Variants in FAM219B observed in about 807,000 individuals in gnomAD.
FAM219B encodes protein FAM219B.
In FAM219B, 18 loss-of-function variants were observed where a neutral mutation model predicts 19.9. The ratio of observed to expected loss-of-function variants is 0.91; its 90% CI spans 0.63 to 1.34. FAM219B has a LOEUF of 1.34. Among genes scored for constraint, FAM219B ranks in the 40% most tolerant of loss-of-function variants. FAM219B has a pLI of 0.00. For missense variants in FAM219B, 283 were observed against 270.5 expected (o/e 1.05, Z -0.32); for synonymous variants, 123 against 117.5 (o/e 1.05, Z -0.30).
At chr15:74,903,600 CAAAAAAAAAA>C (rs60354993) in intron 4 of FAM219B, among the ~76,000 whole-genome samples, 5 of 46,138 alleles carry the variant, frequency 1.1e-4, no homozygotes, top group Admixed American at 7.7e-4. Flanking sequence ...GACTCTGTCT[CAAAAAAAAAA>C]AAAAAAAAAA....
intron 3 of FAM219B, 109 bp from the exon 4 acceptor site, chr15:74,904,821 C>A: frequency 1.3e-6 from 2 of 1,491,128 alleles, no homozygotes; most frequent in Admixed American, 1.7e-5. Context: ...GAAGCAAAGG[C>A]CACACACAAC....
intron 4 of FAM219B, 146 bp from the exon 5 acceptor site, chr15:74,902,932 G>T: frequency 1.2e-6 from 1 of 816,450 alleles, no homozygotes; most frequent in Non-Finnish European, 1.9e-6. Flanking sequence ...ACTACAGGAG[G>T]AAGTACCACC....
chr15:74,902,728 A>C lies in FAM219B; in HGVS notation c.488T>G (p.Ile163Ser), dbSNP rs138092637. The C allele has an allele frequency of 8.8e-4, 1,426 of 1,612,774 alleles. 7 individuals are homozygous for C. Among genetic ancestry groups the C allele is most frequent in the Non-Finnish European group, 8.7e-4 (1,021 of 1,179,344 alleles). Reference protein sequence around the residue: ...LLQDGYHLDEIPDDEDLDLIP... With the variant: ...LLQDGYHLDESPDDEDLDLIP... ...GAGGTCCAAGTCCTCGTCATCTGGA[A>C]TCTCATCCAGGTGATACCCATCCTG... The change falls in exon 5 of 5, where the codon ATT becomes AGT. Residue 163 changes from isoleucine (I) to serine (S), a missense_variant. Transcript: ENST00000357635.
At position 74,904,907 on chromosome 15, in the gene FAM219B, C is replaced by T. The variant is rs1172149980; in HGVS notation, c.381-195G>A. On this transcript the variant is annotated intron_variant, in intron 3 of 4. Coordinates refer to ENST00000357635, the MANE Select transcript of FAM219B (RefSeq NM_020447.5). ...TCTGGCAGGGACAGGGTCACTCTCA[C>T]TAACAATGCAAACATAACAGGGCAG... 6.7e-6 allele frequency: 10 copies of T among 1,486,144 alleles called. No homozygotes were observed. In the Admixed American group the frequency reaches 2.0e-4, roughly 29 times the overall value. 92.1% of individuals were successfully genotyped at this position (1,486,144 alleles called of 1,614,324 possible).
In FAM219B at chr15:74,906,383, C is replaced by G; in HGVS notation, c.215-18G>C. ...GTGCTTCTCTGGAAGTTAAAGGACC[C>G]GGGTCAGCCGGGTCTTCCCCACTCC... On this transcript the variant is annotated intron_variant, in intron 1 of 4. Transcript: ENST00000357635. 1.9e-6 allele frequency: 3 copies of G among 1,591,110 alleles called. No individual in the cohort carries two copies. Among genetic ancestry groups the G allele is most frequent in the Non-Finnish European group, 1.7e-6 (2 of 1,169,012 alleles).
Position 74,902,662 on chromosome 15 carries a change from C to T in FAM219B, c.554G>A (p.Cys185Tyr), listed in dbSNP as rs753888016. 5 of 1,612,906 alleles carry T rather than the reference C, an allele frequency of 3.1e-6. No homozygotes were observed. The highest frequency in any genetic ancestry group is 4.2e-6 in the Non-Finnish European group (5 of 1,179,432). Reference sequence around the variant, plus strand: ...AGAAGAGTCCCCAAGACAGCACCAGCAGCAGGAGCATGTTGAAGAGGCCAT... The same window carrying T: ...AGAAGAGTCCCCAAGACAGCACCAGTAGCAGGAGCATGTTGAAGAGGCCAT... ...KPMASSTCSCCWCCLGDSSSC... is the reference protein window; with the variant it reads ...KPMASSTCSCYWCCLGDSSSC... The change falls in exon 5 of 5, where the codon TGC becomes TAC. Residue 185 changes from cysteine to tyrosine, a missense_variant. Physicochemically the swap from Cys to Tyr is radical, Grantham distance 194. Transcript: ENST00000357635.
chr15:74,898,104 G>C (rs1056832400), downstream of FAM219B: 3 of 367,790 alleles, frequency 8.2e-6, no homozygotes, highest in Non-Finnish European at 1.6e-5. Flanking sequence ...TCTAAGAACA[G>C]GGTTCTAGCG....
In FAM219B at chr15:74,902,256, G is replaced by A; in HGVS notation, c.*363C>T. The A allele has an allele frequency of 2.5e-6, 1 of 399,948 alleles. No individual in the cohort carries two copies. Among genetic ancestry groups the A allele is most frequent in the Non-Finnish European group, 4.4e-6 (1 of 226,708 alleles). 24.8% of individuals were successfully genotyped at this position (399,948 alleles called of 1,614,324 possible). A position where few individuals can be genotyped will look rare whatever the true frequency, so the allele number is the denominator to read the frequency against. On this transcript the variant is annotated 3_prime_UTR_variant, in exon 5 of 5. Transcript: ENST00000357635. ...CATTCAACACTATCTAGCACAGCCT[G>A]GGCACAAGAGCTCCCTTTTTGCCTC...
Position 74,902,787 on chromosome 15 carries a change from C to G in FAM219B, c.430-4G>C. 1 of 1,605,352 alleles carries G rather than the reference C, an allele frequency of 6.2e-7. No individual in the cohort carries two copies. The highest frequency in any genetic ancestry group is 8.5e-7 in the Non-Finnish European group (1 of 1,175,762). Reference sequence around the variant, plus strand: ...GCCGGCTCACATCCTGGTTCACCTGCTAAGAGAAGGAGAGGAGGGAACTAT... The same window carrying G: ...GCCGGCTCACATCCTGGTTCACCTGGTAAGAGAAGGAGAGGAGGGAACTAT... On this transcript the variant is annotated splice_region_variant and splice_polypyrimidine_tract_variant and intron_variant, in intron 4 of 4. Transcript: ENST00000562698.
chr15:74,904,086 A>C (rs1408002731), intron 4 of FAM219B, among the ~76,000 whole-genome samples: 5 of 152,158 alleles, frequency 3.3e-5, no homozygotes, highest in Non-Finnish European at 1.5e-5. Context: ...GGACCAATGG[A>C]CCCATTCAGA....
chr15:74,899,681 CA>C (rs1390602009), downstream of FAM219B: 1 of 152,224 alleles, frequency 6.6e-6, no homozygotes. Context: ...GGCTGGAGTG[CA>C]GTGGCGCGAT....
intron 3 of FAM219B, 89 bp downstream of exon 3, chr15:74,905,062 TGGA>T: frequency 6.3e-7 from 1 of 1,596,212 alleles, no homozygotes; most frequent in Non-Finnish European, 8.5e-7. Context: ...TGAAGGGCCT[TGGA>T]GGAGACAGGG....
At chr15:74,897,995 C>G, downstream of FAM219B, 1 of 521,772 alleles carries the variant, frequency 1.9e-6, no homozygotes, top group East Asian at 3.5e-5. Context: ...CTGAGCCAGG[C>G]TCTTGCCAAC....
rs1802333572 is a variant in FAM219B, at chr15:74,901,787, G to C, written c.*832C>G. 3.9e-6 allele frequency: 1 copy of C among 258,836 alleles called. No individual in the cohort carries two copies. Among genetic ancestry groups the C allele is most frequent in the African/African-American group, 2.2e-5 (1 of 45,506 alleles). 16.0% of individuals were successfully genotyped at this position (258,836 alleles called of 1,614,324 possible). ...CCCTCTGCTGGTAATAATAAAAACT[G>C]CAGGCTTCTGGGGCCAGCCCCAGTA... On this transcript the variant is annotated 3_prime_UTR_variant, in exon 5 of 5. Transcript: ENST00000357635.
chr15:74,901,189 G>T lies in FAM219B; in HGVS notation c.*1430C>A, dbSNP rs1270731035. ...CTCACCATGTGGGAGGACTGCTTGG[G>T]CCTGGGAGGTTGAGGCTGCAGTGAG... On this transcript the variant is annotated 3_prime_UTR_variant, in exon 5 of 5. Coordinates refer to ENST00000357635, the MANE Select transcript of FAM219B (RefSeq NM_020447.5). 3 of 152,462 alleles carry T rather than the reference G, an allele frequency of 2.0e-5. No homozygotes were observed. Among genetic ancestry groups the T allele is most frequent in the South Asian group, 2.1e-4 (1 of 4,836 alleles). The allele number at this position is 152,462 out of a possible 1,614,324, so 9.4% of individuals were successfully genotyped here.
At chr15:74,906,151 G>A in intron 2 of FAM219B, 127 bp downstream of exon 2, 1 of 886,496 alleles carries the variant, frequency 1.1e-6, no homozygotes, top group Non-Finnish European at 1.7e-6. Context: ...TTTAAAGATA[G>A]TGAACCTGAC....
At chr15:74,898,515 G>A (rs1465206511), downstream of FAM219B, 2 of 151,728 alleles carry the variant, frequency 1.3e-5, no homozygotes, top group Non-Finnish European at 1.5e-5. Context: ...AGTCACCAGT[G>A]CAAGACTCTT....
At chr15:74,906,529 T>C (rs979928951) in intron 1 of FAM219B, 58 bp downstream of exon 1, 30 of 1,461,920 alleles carry the variant, frequency 2.1e-5, no homozygotes, top group African/African-American at 2.9e-5. Context: ...GAACCCGCCC[T>C]GGGGACGCGG....
chr15:74,906,149 T>G, intron 2 of FAM219B, 129 bp downstream of exon 2: 1 of 867,904 alleles, frequency 1.2e-6, no homozygotes, highest in South Asian at 1.6e-5. Context: ...ATTTTAAAGA[T>G]AGTGAACCTG....
Sources: allele counts gnomAD v4.1 joint callset (sites outside exome capture counted in the v4.1 genomes callset), GRCh38; gene constraint gnomAD v4.1.1; transcripts MANE v1.5; gene names NCBI Gene and HGNC (gene_info 2026-07-23, HGNC 2026-07-21).